Variants in FBXL4 observed in about 807,000 individuals in gnomAD.
FBXL4 encodes the protein F-box and leucine rich repeat protein 4.
In FBXL4, 40 loss-of-function variants were observed where a neutral mutation model predicts 58.9. That is an observed-to-expected ratio of 0.68 (90% CI 0.53 to 0.88). The LOEUF (loss-of-function observed/expected upper bound fraction) is 0.88. Ranked by LOEUF, FBXL4 falls within the 40% of genes least tolerant of loss-of-function variation. The pLI is 0.00. For missense variants in FBXL4, 676 were observed against 734.4 expected (o/e 0.92, Z 0.92); for synonymous variants, 263 against 265.5 (o/e 0.99, Z 0.09).
At chr6:98,936,203 A>T (rs964723413) in intron 1 of FBXL4, among the ~76,000 whole-genome samples, 4 of 152,210 alleles carry the variant, frequency 2.6e-5, no homozygotes, top group African/African-American at 9.7e-5. Flanking sequence ...CCCCACTTTA[A>T]GCATATAATT....
intron 5 of FBXL4, among the ~76,000 whole-genome samples, chr6:98,910,686 TG>T (rs1049227360): frequency 6.8e-6 from 1 of 146,218 alleles, no homozygotes; most frequent in Admixed American, 6.8e-5. Flanking sequence ...AAAAGTATTG[TG>T]GGGGGAGGAG....
chr6:98,930,360 G>C (rs1050340552), intron 2 of FBXL4, among the ~76,000 whole-genome samples: 1 of 152,242 alleles, frequency 6.6e-6, no homozygotes, highest in African/African-American at 2.4e-5. Context: ...GGCGGAAGTT[G>C]CAGTGAGCCG....
intron 7 of FBXL4, among the ~76,000 whole-genome samples, chr6:98,888,988 T>A (rs968041978): frequency 6.6e-6 from 1 of 152,232 alleles, no homozygotes; most frequent in Non-Finnish European, 1.5e-5. Context: ...CATACGCTTC[T>A]TAACCTGGGA....
intron 2 of FBXL4, among the ~76,000 whole-genome samples, chr6:98,928,872 A>G (rs1450906900): frequency 6.6e-6 from 1 of 152,176 alleles, no homozygotes; most frequent in Non-Finnish European, 1.5e-5. Flanking sequence ...ATTTTACGTT[A>G]AGTCTCGCTT....
chr6:98,879,658 G>A (rs1051700812), intron 8 of FBXL4, among the ~76,000 whole-genome samples: 7 of 151,892 alleles, frequency 4.6e-5, no homozygotes, highest in African/African-American at 1.5e-4. Flanking sequence ...CGAGGCGGGC[G>A]GATCACAAGG....
At chr6:98,912,263 T>C (rs1772117693) in intron 5 of FBXL4, among the ~76,000 whole-genome samples, 2 of 152,166 alleles carry the variant, frequency 1.3e-5, no homozygotes, top group Non-Finnish European at 2.9e-5. Context: ...CAGGATATTA[T>C]CCAGGAGAAC....
chr6:98,946,892 G>C (rs992978739), intron 1 of FBXL4, among the ~76,000 whole-genome samples: 7 of 152,096 alleles, frequency 4.6e-5, no homozygotes, highest in African/African-American at 7.2e-5. Flanking sequence ...TACAATATGC[G>C]GTACAGGATA....
At chr6:98,885,339 A>G (rs1162308950) in intron 7 of FBXL4, among the ~76,000 whole-genome samples, 31 of 152,188 alleles carry the variant, frequency 2.0e-4, no homozygotes, top group Non-Finnish European at 4.4e-5. Flanking sequence ...TGACCTCATA[A>G]TCCACCCACC....
At chr6:98,878,891 A>G (rs1770749112) in intron 8 of FBXL4, among the ~76,000 whole-genome samples, 1 of 152,156 alleles carries the variant, frequency 6.6e-6, no homozygotes, top group African/African-American at 2.4e-5. Flanking sequence ...CACTGAAGAG[A>G]CCCACAGAAG....
chr6:98,923,961 C>G (rs989656324), intron 4 of FBXL4, among the ~76,000 whole-genome samples: 1 of 151,708 alleles, frequency 6.6e-6, no homozygotes, highest in Non-Finnish European at 1.5e-5. Context: ...TATTGGTCAC[C>G]TTTTTTTCTC....
At chr6:98,925,479 T>G (rs1772744160) in intron 4 of FBXL4, among the ~76,000 whole-genome samples, 1 of 152,244 alleles carries the variant, frequency 6.6e-6, no homozygotes, top group South Asian at 2.1e-4. Flanking sequence ...TCTAGGAAAT[T>G]TATCCCACAG....
chr6:98,896,946 G>C, intron 7 of FBXL4: 1 of 984,894 alleles, frequency 1.0e-6, no homozygotes, highest in Non-Finnish European at 1.2e-6. Context: ...GAAAACTGTA[G>C]ACTAATAATT....
intron 5 of FBXL4, among the ~76,000 whole-genome samples, chr6:98,910,818 T>C (rs896376247): frequency 3.3e-4 from 50 of 152,214 alleles, no homozygotes; most frequent in African/African-American, 1.1e-3. Flanking sequence ...GAGTGCCAGA[T>C]AGTGGGCGCA....
chr6:98,905,809 AG>A (rs1244196495), intron 5 of FBXL4, 139 bp from the exon 6 acceptor site: 1 of 862,456 alleles, frequency 1.2e-6, no homozygotes, highest in African/African-American at 1.7e-5. Context: ...AACATCCAAC[AG>A]AATTATCCAA....
intron 5 of FBXL4, among the ~76,000 whole-genome samples, chr6:98,910,497 CA>C (rs925842083): frequency 8.0e-5 from 12 of 150,796 alleles, no homozygotes; most frequent in Admixed American, 2.6e-4. Context: ...ACTAAAAATA[CA>C]AAAAAAAAGT....
At chr6:98,883,820 A>G (rs1035794479) in intron 7 of FBXL4, among the ~76,000 whole-genome samples, 2 of 151,436 alleles carry the variant, frequency 1.3e-5, no homozygotes, top group Non-Finnish European at 2.9e-5. Flanking sequence ...TAAATCTAGT[A>G]TGGCAAATAG....
At chr6:98,898,978 C>T in intron 7 of FBXL4, 1 of 985,394 alleles carries the variant, frequency 1.0e-6, no homozygotes, top group Non-Finnish European at 1.2e-6. Context: ...TCATTCCCTG[C>T]CAGCATTTTG....
chr6:98,874,518 C>CT, intron 9 of FBXL4, 77 bp from the exon 10 acceptor site: 1 of 1,399,692 alleles, frequency 7.1e-7, no homozygotes, highest in Non-Finnish European at 9.6e-7. Flanking sequence ...ACAATGAATC[C>CT]ATCCATGATT....
chr6:98,915,854 A>G (rs1772321629), intron 5 of FBXL4, among the ~76,000 whole-genome samples: 1 of 150,840 alleles, frequency 6.6e-6, no homozygotes, highest in Non-Finnish European at 1.5e-5. Context: ...TCTGCACAGC[A>G]AAAGAAACTA....
Sources: allele counts gnomAD v4.1 joint callset (sites outside exome capture counted in the v4.1 genomes callset), GRCh38; gene constraint gnomAD v4.1.1; transcripts MANE v1.5; gene names NCBI Gene and HGNC (gene_info 2026-07-23, HGNC 2026-07-21).